SYT2: variants seen among roughly 807,000 people sequenced by gnomAD.
SYT2 encodes the protein synaptotagmin 2.
A neutral mutation model predicts 39.9 loss-of-function variants in SYT2; 15 were observed. That is an observed-to-expected ratio of 0.38 (90% CI 0.25 to 0.58). The LOEUF (loss-of-function observed/expected upper bound fraction) is 0.58. Ranked by LOEUF, SYT2 falls within the 20% of genes least tolerant of loss-of-function variation. SYT2 has a pLI of 0.70. For synonymous variants in SYT2, 181 were observed against 204.5 expected (o/e 0.89, Z 0.98); for missense variants, 389 against 530.3 (o/e 0.73, Z 2.62).
intron 1 of SYT2, among the ~76,000 whole-genome samples, chr1:202,665,986 T>C (rs1021585111): frequency 1.3e-5 from 2 of 151,970 alleles, no homozygotes; most frequent in African/African-American, 4.8e-5. Context: ...ACCCCGTCTC[T>C]ACTAAAAATA....
intron 1 of SYT2, among the ~76,000 whole-genome samples, chr1:202,700,514 T>C (rs1654085811): frequency 6.6e-6 from 1 of 152,184 alleles, no homozygotes; most frequent in Non-Finnish European, 1.5e-5. Context: ...ATATTCAAAA[T>C]TAAAACTGAG....
chr1:202,697,489 C>T (rs111458701), intron 1 of SYT2, among the ~76,000 whole-genome samples: 3 of 152,364 alleles, frequency 2.0e-5, no homozygotes, highest in African/African-American at 4.8e-5. Context: ...TACTCTGAGC[C>T]GAATGTCCTG....
At chr1:202,702,911 C>T (rs1014882878) in intron 1 of SYT2, among the ~76,000 whole-genome samples, 3 of 152,208 alleles carry the variant, frequency 2.0e-5, no homozygotes, top group Non-Finnish European at 4.4e-5. Flanking sequence ...TCTCCAGGCC[C>T]CCCTCCTTGC....
rs1690143039 is a variant in SYT2 at position 202,592,174 on chromosome 1, G to C, written c.*4583C>G. 1 of 152,792 alleles carries C rather than the reference G, an allele frequency of 6.5e-6. No individual in the cohort carries two copies. The highest frequency in any genetic ancestry group is 1.5e-5 in the Non-Finnish European group (1 of 68,160). The allele number at this position is 152,792 out of a possible 1,614,324, so 9.5% of individuals were successfully genotyped here. ...TGAATTCAAACAGTGGGAGGAAGGG[G>C]CACACCACACACATACACAGAACAT... On this transcript the variant is annotated 3_prime_UTR_variant, in exon 9 of 9. Coordinates refer to ENST00000367268, the MANE Select transcript of SYT2 (RefSeq NM_177402.5).
At position 202,593,904 on chromosome 1, in the gene SYT2, C is replaced by G. The variant is rs1690206059; in HGVS notation, c.*2853G>C. Reference sequence around the variant, plus strand: ...CAGAACCCCTTACTAGCCAGACACCCTAACTCTATCCTGCTTAGTGCCTAC... The same window carrying G: ...CAGAACCCCTTACTAGCCAGACACCGTAACTCTATCCTGCTTAGTGCCTAC... On this transcript the variant is annotated 3_prime_UTR_variant, in exon 9 of 9. Coordinates refer to ENST00000367268, the MANE Select transcript of SYT2 (RefSeq NM_177402.5). 1 of 152,238 alleles carries G rather than the reference C, an allele frequency of 6.6e-6. No homozygotes were observed. The highest frequency in any genetic ancestry group is 1.9e-4 in the East Asian group (1 of 5,200). The allele number at this position is 152,238 out of a possible 1,614,324, so 9.4% of individuals were successfully genotyped here. A position where few individuals can be genotyped will look rare whatever the true frequency, so the allele number is the denominator to read the frequency against.
chr1:202,689,528 G>T (rs1170012052), intron 1 of SYT2, among the ~76,000 whole-genome samples: 1 of 152,148 alleles, frequency 6.6e-6, no homozygotes, highest in Non-Finnish European at 1.5e-5. Flanking sequence ...GTGGCCTTGT[G>T]GGAGGAGTCC....
chr1:202,680,002 A>G lies in SYT2; in HGVS notation c.-18+30256T>C, dbSNP rs949125722. Among the ~76,000 whole-genome samples, 41 of 152,166 alleles carry G rather than the reference A, an allele frequency of 2.7e-4. 1 individual carries two copies. The highest frequency in any genetic ancestry group is 2.2e-3 in the Admixed American group (33 of 15,282). ...TATCAAATGTCACCTCCTCTGGAAG[A>G]CCAGTTCTTAGCATGACCAGTGTTC... On this transcript the variant is annotated intron_variant, in intron 1 of 8. Coordinates refer to ENST00000367268, the MANE Select transcript of SYT2 (RefSeq NM_177402.5).
rs186617035 is a variant in SYT2, at chr1:202,616,838, C to G, written c.-17-11049G>C. 2.6e-5 allele frequency among the ~76,000 whole-genome samples: 4 copies of G among 152,314 alleles called. No homozygotes were observed. In the East Asian group the frequency reaches 5.8e-4, roughly 22 times the overall value. On this transcript the variant is annotated intron_variant, in intron 1 of 8. Coordinates refer to ENST00000367268, the MANE Select transcript of SYT2 (RefSeq NM_177402.5). ...TTCCTTCTGCACCCAGGCATCAGTGCCATCCTCTTCTGTCAGAGTCAAGCC... is the reference window on the plus strand; with the variant it reads ...TTCCTTCTGCACCCAGGCATCAGTGGCATCCTCTTCTGTCAGAGTCAAGCC...
intron 1 of SYT2, among the ~76,000 whole-genome samples, chr1:202,650,102 C>T (rs973196991): frequency 5.3e-5 from 8 of 152,336 alleles, no homozygotes; most frequent in South Asian, 2.1e-4. Flanking sequence ...CAGAGGGCCC[C>T]GGAAGAGGAA....
chr1:202,650,017 C>T (rs900118985), intron 1 of SYT2, among the ~76,000 whole-genome samples: 1 of 152,218 alleles, frequency 6.6e-6, no homozygotes, highest in Non-Finnish European at 1.5e-5. Flanking sequence ...GGGCTTTTCC[C>T]GGACATGGGG....
At chr1:202,635,726 G>T (rs1008883237) in intron 1 of SYT2, among the ~76,000 whole-genome samples, 2 of 152,170 alleles carry the variant, frequency 1.3e-5, no homozygotes, top group African/African-American at 2.4e-5. Flanking sequence ...TCACTTGGTT[G>T]CTTGCTTGGG....
chr1:202,640,805 A>G (rs1691896038), intron 1 of SYT2, among the ~76,000 whole-genome samples: 2 of 150,070 alleles, frequency 1.3e-5, no homozygotes, highest in African/African-American at 2.5e-5. Flanking sequence ...AGACAGACAG[A>G]GAGACAGAGA....
chr1:202,649,531 C>T (rs1297500009), intron 1 of SYT2, among the ~76,000 whole-genome samples: 1 of 152,116 alleles, frequency 6.6e-6, no homozygotes, highest in Non-Finnish European at 1.5e-5. Flanking sequence ...GATGGGAAAA[C>T]TGAGGTAAAG....
chr1:202,680,454 T>A (rs1653496450), intron 1 of SYT2, among the ~76,000 whole-genome samples: 1 of 152,042 alleles, frequency 6.6e-6, no homozygotes, highest in Admixed American at 6.6e-5. Flanking sequence ...AGGCAGGAGA[T>A]CACTTGAGCC....
chr1:202,642,180 G>A (rs1247401379), intron 1 of SYT2, among the ~76,000 whole-genome samples: 3 of 152,128 alleles, frequency 2.0e-5, no homozygotes, highest in Non-Finnish European at 4.4e-5. Flanking sequence ...AAGGTCATAG[G>A]ACAGGTCAGA....
chr1:202,666,429 G>T (rs1258367426), intron 1 of SYT2, among the ~76,000 whole-genome samples: 1 of 152,126 alleles, frequency 6.6e-6, no homozygotes, highest in Non-Finnish European at 1.5e-5. Flanking sequence ...GGAGGGCCCA[G>T]GATTTTGCAT....
chr1:202,682,538 G>T (rs1005960580), intron 1 of SYT2, among the ~76,000 whole-genome samples: 1 of 152,156 alleles, frequency 6.6e-6, no homozygotes, highest in Non-Finnish European at 1.5e-5. Flanking sequence ...AACCTTAAAG[G>T]GGGTGGCTTG....
Position 202,599,372 on chromosome 1 carries a change from C to T in SYT2, c.920-21G>A, listed in dbSNP as rs1018418002. The T allele has an allele frequency of 1.9e-6, 3 of 1,573,094 alleles. No homozygotes were observed. The highest frequency in any genetic ancestry group is 2.6e-6 in the Non-Finnish European group (3 of 1,165,956). ...CGGGTCTGCGGAGGGAGAATCCCAA[C>T]CCCAGAGAGGTTCCCCTTAGCCCCC... On this transcript the variant is annotated intron_variant, in intron 7 of 8. Coordinates refer to ENST00000367268, the MANE Select transcript of SYT2 (RefSeq NM_177402.5). The surrounding 1 kb of genome is among the most constrained non-coding windows in gnomAD (Gnocchi z 4.4).
chr1:202,695,309 A>G (rs6696612), intron 1 of SYT2, among the ~76,000 whole-genome samples: 87,716 of 151,848 alleles, frequency 0.58, 26,243 homozygotes, highest in East Asian at 0.78. Flanking sequence ...CTGACCCATC[A>G]CCTTGATCTA....
Sources: allele counts gnomAD v4.1 joint callset (sites outside exome capture counted in the v4.1 genomes callset), GRCh38; gene constraint gnomAD v4.1.1; non-coding constraint Gnocchi (gnomAD v3.1); transcripts MANE v1.5; gene names NCBI Gene and HGNC (gene_info 2026-07-23, HGNC 2026-07-21).